The following GABBR2 variants were observed in gnomAD, a reference collection of about 807,000 sequenced individuals.
The protein encoded by GABBR2 is G-protein coupled receptor 51.
In GABBR2, 23 loss-of-function variants were observed where a neutral mutation model predicts 105.6. The observed-to-expected ratio is 0.22, with a 90% confidence interval of 0.16 to 0.31. The LOEUF is 0.31. Ranked by LOEUF, GABBR2 falls within the 10% of genes least tolerant of loss-of-function variation. The probability of loss-of-function intolerance (pLI) is 1.00; values close to 1 mark genes in which losing one functional copy is unlikely to be tolerated. For missense variants in GABBR2, 734 were observed against 1,245.5 expected (o/e 0.59, Z 6.18); for synonymous variants, 478 against 499.7 (o/e 0.96, Z 0.58).
At chr9:98,447,537 ATGTGTGTGTGTGTG>A (rs58069151) in intron 7 of GABBR2, among the ~76,000 whole-genome samples, 20 of 142,514 alleles carry the variant, frequency 1.4e-4, no homozygotes, top group East Asian at 1.0e-3. Flanking sequence ...ACTAGTATGT[ATGTGTGTGTGTGTG>A]TGTGTGTGTG....
chr9:98,315,456 G>T (rs1223166612), intron 13 of GABBR2, among the ~76,000 whole-genome samples: 1 of 152,210 alleles, frequency 6.6e-6, no homozygotes, highest in Non-Finnish European at 1.5e-5. Flanking sequence ...TGATGTTCCT[G>T]TTCCTGTGAG....
chr9:98,682,180 T>C (rs955742364), intron 1 of GABBR2, among the ~76,000 whole-genome samples: 3 of 151,200 alleles, frequency 2.0e-5, no homozygotes, highest in African/African-American at 7.3e-5. Flanking sequence ...TAAGCTGAGA[T>C]TGCGCCACTG....
chr9:98,298,121 A>C (rs766201554), intron 17 of GABBR2, among the ~76,000 whole-genome samples: 7 of 151,902 alleles, frequency 4.6e-5, no homozygotes, highest in Non-Finnish European at 1.0e-4. Flanking sequence ...CACACGAGTG[A>C]ATACTGTTAG....
chr9:98,673,325 G>A (rs1179712399), intron 1 of GABBR2, among the ~76,000 whole-genome samples: 4 of 152,186 alleles, frequency 2.6e-5, no homozygotes, highest in Non-Finnish European at 5.9e-5. Context: ...ATCGCCTCGT[G>A]CAGCACTTTT....
chr9:98,615,048 T>C (rs889780611), intron 1 of GABBR2, among the ~76,000 whole-genome samples: 10 of 152,340 alleles, frequency 6.6e-5, no homozygotes, highest in Admixed American at 1.3e-4. Flanking sequence ...ACCACTCTGA[T>C]GGATCCTTCC....
chr9:98,354,883 A>G (rs1023488311), intron 13 of GABBR2, among the ~76,000 whole-genome samples: 1 of 152,182 alleles, frequency 6.6e-6, no homozygotes, highest in Non-Finnish European at 1.5e-5. Flanking sequence ...CTGACTGTTG[A>G]GTGCAGTCGG....
chr9:98,520,481 C>T (rs1827846380), intron 3 of GABBR2, among the ~76,000 whole-genome samples: 1 of 152,166 alleles, frequency 6.6e-6, no homozygotes. Context: ...TGTTCACAGA[C>T]TTGATATGGC....
chr9:98,355,343 T>C (rs1335915063), intron 13 of GABBR2, among the ~76,000 whole-genome samples: 2 of 151,554 alleles, frequency 1.3e-5, no homozygotes, highest in Non-Finnish European at 2.9e-5. Context: ...GCTTATAGAT[T>C]TGCTCAATGT....
intron 18 of GABBR2, among the ~76,000 whole-genome samples, chr9:98,292,112 G>T (rs1403437656): frequency 6.6e-6 from 1 of 152,204 alleles, no homozygotes; most frequent in Non-Finnish European, 1.5e-5. Context: ...CTGCATTCTT[G>T]CACAGTTCTC....
intron 5 of GABBR2, among the ~76,000 whole-genome samples, chr9:98,476,787 T>C (rs1433271410): frequency 1.3e-5 from 2 of 152,194 alleles, no homozygotes; most frequent in Admixed American, 6.5e-5. Flanking sequence ...TTCTACACTG[T>C]CATTTTTCAC....
chr9:98,554,122 G>GTCC (rs1473771630), intron 2 of GABBR2, among the ~76,000 whole-genome samples: 1 of 152,122 alleles, frequency 6.6e-6, no homozygotes, highest in African/African-American at 2.4e-5. Context: ...TTAGAATGAC[G>GTCC]TCCTCGCTCC....
At chr9:98,492,575 C>T (rs530118111) in intron 4 of GABBR2, among the ~76,000 whole-genome samples, 106 of 152,164 alleles carry the variant, frequency 7.0e-4, no homozygotes, top group African/African-American at 2.5e-3. Flanking sequence ...CATCCTTTTT[C>T]TATTCCTGGA....
intron 17 of GABBR2, among the ~76,000 whole-genome samples, chr9:98,297,566 T>C (rs1227496530): frequency 6.6e-6 from 1 of 151,664 alleles, no homozygotes; most frequent in Non-Finnish European, 1.5e-5. Context: ...TGAGCCGAGA[T>C]CGTGCCATTG....
Position 98,377,306 on chromosome 9 carries a change from G to A in GABBR2, c.1663-5735C>T, listed in dbSNP as rs147089326. Among the ~76,000 whole-genome samples the A allele has an allele frequency of 8.2e-3, 1,255 of 152,302 alleles. 17 individuals are homozygous for A. Among genetic ancestry groups the A allele is most frequent in the African/African-American group, 0.029 (1,196 of 41,570 alleles). On this transcript the variant is annotated intron_variant, in intron 11 of 18. Coordinates refer to ENST00000259455, the MANE Select transcript of GABBR2 (RefSeq NM_005458.8). The stretch of plus-strand genomic sequence containing the variant: ...GGACAGAAGACGTGGACAAGTGGGC[G>A]TCAGGGCCAGAGAGGAAGGACTGAG...
intron 7 of GABBR2, among the ~76,000 whole-genome samples, chr9:98,448,419 G>A (rs562868891): frequency 6.6e-6 from 1 of 152,278 alleles, no homozygotes; most frequent in Admixed American, 6.5e-5. Context: ...TAAAATGAGA[G>A]TCTATTAATT....
chr9:98,445,348 G>T (rs1188366031), intron 7 of GABBR2, among the ~76,000 whole-genome samples: 1 of 152,220 alleles, frequency 6.6e-6, no homozygotes, highest in Non-Finnish European at 1.5e-5. Flanking sequence ...CTCCAATCGG[G>T]TGTGGGGGTA....
At chr9:98,606,894 G>C (rs118114093) in intron 1 of GABBR2, 11,217 of 601,432 alleles carry the variant, frequency 0.019, 212 homozygotes, top group South Asian at 0.06. Flanking sequence ...AGGTCTGATT[G>C]ATCCACATGA....
intron 13 of GABBR2, among the ~76,000 whole-genome samples, chr9:98,323,262 G>A (rs917493806): frequency 9.2e-5 from 14 of 152,216 alleles, no homozygotes; most frequent in Admixed American, 5.2e-4. Flanking sequence ...GCTCTCCTCC[G>A]CCTGCCTTGG....
chr9:98,476,048 A>G (rs1267193021), intron 5 of GABBR2, among the ~76,000 whole-genome samples: 1 of 152,244 alleles, frequency 6.6e-6, no homozygotes, highest in African/African-American at 2.4e-5. Flanking sequence ...TGAGTGACAG[A>G]GTGAGACTCT....
Sources: gnomAD v4.1 joint callset for allele counts (sites outside exome capture counted in the v4.1 genomes callset) on GRCh38, gnomAD v4.1.1 for gene constraint, MANE v1.5 for transcripts, NCBI Gene and HGNC (gene_info 2026-07-23, HGNC 2026-07-21) for gene names.